Variants in ADCY10 observed in about 807,000 individuals in gnomAD.
ADCY10 encodes adenylate cyclase type 10.
Under a neutral mutation model 183.3 loss-of-function variants are expected in ADCY10, and 156 were observed. That is an observed-to-expected ratio of 0.85 (90% CI 0.75 to 0.97). The LOEUF is 0.97. ADCY10 is among the 50% of genes least tolerant of loss of function. The pLI is 0.00. For synonymous variants in ADCY10, 645 were observed against 670.0 expected, an observed-to-expected ratio of 0.96 and a Z score of 0.58; for missense variants, 1,745 against 1,934.3, an observed-to-expected ratio of 0.90 and a Z score of 1.84.
rs749402033 is a variant in ADCY10 at position 167,860,863 on chromosome 1, C to A, written c.1809+8G>T. 1 of 1,612,520 alleles carries A rather than the reference C, an allele frequency of 6.2e-7. No homozygotes were observed. The highest frequency in any genetic ancestry group is 8.5e-7 in the Non-Finnish European group (1 of 1,178,600). ...TATTTGTGCAGAAGTATAATACTAG[C>A]TAGTTACCTGAACATGGAAAATGTC... On this transcript the variant is annotated splice_region_variant and intron_variant, in intron 15 of 32. Transcript: ENST00000367851.
At chr1:167,904,615 AG>A (rs1669690025) in intron 2 of ADCY10, 5 of 517,908 alleles carry the variant, frequency 9.7e-6, no homozygotes, top group Non-Finnish European at 1.4e-5. Context: ...ACTTCTGAAG[AG>A]GTGGCAAGTT....
In ADCY10 at chr1:167,846,027, C is replaced by T. The variant is rs1287864250; in HGVS notation, c.2674G>A (p.Val892Met). 3 of 1,614,096 alleles carry T rather than the reference C, an allele frequency of 1.9e-6. No individual in the cohort carries two copies. The highest frequency in any genetic ancestry group is 2.5e-6 in the Non-Finnish European group (3 of 1,180,054). The change falls in exon 20 of 33, where the codon GTG becomes ATG. Residue 892 changes from valine to methionine, a missense_variant. Physicochemically the swap from Val to Met is conservative, Grantham distance 21. Transcript: ENST00000367851. ...ALKQNDPSFEVHYRSLSLKPS... is the reference protein window; with the variant it reads ...ALKQNDPSFEMHYRSLSLKPS... ...TTCAGAGACAAGGAACGATAGTGCACCTCAAATGAGGGATCATTCTGTTTC... is the reference window on the plus strand; with the variant it reads ...TTCAGAGACAAGGAACGATAGTGCATCTCAAATGAGGGATCATTCTGTTTC...
At chr1:167,888,373 G>A (rs1004127436) in intron 8 of ADCY10, among the ~76,000 whole-genome samples, 3 of 151,924 alleles carry the variant, frequency 2.0e-5, no homozygotes, top group African/African-American at 7.3e-5. Flanking sequence ...TGGGTAGTAT[G>A]AACATTCTTC....
intron 26 of ADCY10, among the ~76,000 whole-genome samples, chr1:167,826,395 C>T (rs1248911105): frequency 6.6e-6 from 1 of 152,222 alleles, no homozygotes; most frequent in African/African-American, 2.4e-5. Flanking sequence ...TAGGCGGAGT[C>T]CTGGAAACCA....
chr1:167,835,736 A>C (rs751407465), intron 23 of ADCY10, among the ~76,000 whole-genome samples: 3 of 152,178 alleles, frequency 2.0e-5, no homozygotes, highest in Non-Finnish European at 4.4e-5. Flanking sequence ...CAAGAACACA[A>C]AAAATTAGCT....
At chr1:167,883,695 C>T (rs1023682321) in intron 8 of ADCY10, 67 bp from the exon 9 acceptor site, 1 of 1,451,356 alleles carries the variant, frequency 6.9e-7, no homozygotes, top group Non-Finnish European at 9.7e-7. Context: ...ACACCGCCCC[C>T]ACCTCATACC....
In ADCY10 at chr1:167,814,875, C is replaced by A. The variant is rs137950345; in HGVS notation, c.4482+3197G>T. On this transcript the variant is annotated intron_variant, in intron 31 of 32. Transcript: ENST00000367851. ...ACACGTGGGCTCATGCCTGTAATCC[C>A]AGCACTTTGGGAGGCCGAGGTGGTC... is the stretch of plus-strand genomic sequence containing the variant. Among the ~76,000 whole-genome samples, 641 of 152,248 alleles carry A rather than the reference C, an allele frequency of 4.2e-3. 12 individuals carry two copies. The highest frequency in any genetic ancestry group is 4.4e-3 in the East Asian group (23 of 5,190).
intron 26 of ADCY10, among the ~76,000 whole-genome samples, chr1:167,828,008 C>A (rs1663442742): frequency 2.0e-5 from 3 of 152,172 alleles, no homozygotes; most frequent in Non-Finnish European, 2.9e-5. Context: ...GCCACCATGC[C>A]CCGCTAATAT....
chr1:167,888,123 T>C (rs1668351904), intron 8 of ADCY10, among the ~76,000 whole-genome samples: 1 of 152,240 alleles, frequency 6.6e-6, no homozygotes, highest in Non-Finnish European at 1.5e-5. Context: ...CTCTATTCTG[T>C]TCCACTGGTC....
In ADCY10 at chr1:167,846,233, C is replaced by G; in HGVS notation, c.2468G>C (p.Arg823Thr). 1 of 1,614,170 alleles carries G rather than the reference C, an allele frequency of 6.2e-7. No individual in the cohort carries two copies. Among genetic ancestry groups the G allele is most frequent in the Non-Finnish European group, 8.5e-7 (1 of 1,180,036 alleles). Residue 823 changes from arginine (R) to threonine (T), a missense_variant, in exon 20 of 33, where the codon AGA becomes ACA. Physicochemically the swap from Arg to Thr is moderately conservative, Grantham distance 71. Transcript: ENST00000367851. ...EISLIQLDSMRLSHQMLVRCA... is the reference protein window; with the variant it reads ...EISLIQLDSMTLSHQMLVRCA... Reference sequence around the variant, plus strand: ...TCTCACCAGCATTTGGTGGGAAAGTCTCATGCTATCCAGCTGGATCAGAGA... The same window carrying G: ...TCTCACCAGCATTTGGTGGGAAAGTGTCATGCTATCCAGCTGGATCAGAGA...
chr1:167,906,836 T>C lies in ADCY10; in HGVS notation c.-58-1638A>G, dbSNP rs549673699. ...AAAAGAAAGGTACAAGAAAATTGAA[T>C]GTCGAGAATGAAAGACTTACAAAAA... On this transcript the variant is annotated intron_variant, in intron 1 of 32. Transcript: ENST00000367851. 6.6e-5 allele frequency among the ~76,000 whole-genome samples: 10 copies of C among 152,076 alleles called. No homozygotes were observed. In the South Asian group the frequency reaches 2.1e-3, roughly 32 times the overall value.
chr1:167,868,539 C>T (rs1438944758), intron 14 of ADCY10, among the ~76,000 whole-genome samples: 3 of 152,136 alleles, frequency 2.0e-5, no homozygotes, highest in African/African-American at 7.2e-5. Flanking sequence ...TTTAAGCCCA[C>T]CCAGAATTCC....
At chr1:167,852,889 C>T (rs562936882) in intron 18 of ADCY10, among the ~76,000 whole-genome samples, 1 of 152,214 alleles carries the variant, frequency 6.6e-6, no homozygotes, top group African/African-American at 2.4e-5. Flanking sequence ...TGCTATTGAA[C>T]AAGAAGTGAG....
At chr1:167,884,823 G>A (rs1015817274) in intron 8 of ADCY10, among the ~76,000 whole-genome samples, 7 of 151,348 alleles carry the variant, frequency 4.6e-5, no homozygotes, top group African/African-American at 1.5e-4. Flanking sequence ...TCAGCTTCCA[G>A]AGTAGCTGGG....
intron 1 of ADCY10, among the ~76,000 whole-genome samples, chr1:167,909,797 C>A (rs1670036308): frequency 1.3e-5 from 2 of 152,176 alleles, no homozygotes; most frequent in Admixed American, 1.3e-4. Flanking sequence ...GGCTTTTCAA[C>A]TTTTAGTCAT....
At position 167,824,751 on chromosome 1, in the gene ADCY10, G is replaced by A. The variant is rs1185648254; in HGVS notation, c.3855C>T (p.Leu1285=). 4 of 1,614,234 alleles carry A rather than the reference G, an allele frequency of 2.5e-6. No homozygotes were observed. Among genetic ancestry groups the A allele is most frequent in the Admixed American group, 3.3e-5 (2 of 60,020 alleles). The change falls in exon 27 of 33, where the codon CTC becomes CTT. Residue 1285 remains leucine, a synonymous_variant. Coordinates refer to ENST00000367851, the MANE Select transcript of ADCY10 (RefSeq NM_018417.6). The stretch of plus-strand genomic sequence containing the variant: ...TTTCAATGCCCTCGCCTTTCAGGGG[G>A]AGGTTGAAGATGTGCTCCATGGCCA... ...EVMAMEHIFN[L]PLKGEGIEIV...
At chr1:167,862,604 G>A (rs1666364487) in intron 14 of ADCY10, among the ~76,000 whole-genome samples, 1 of 152,108 alleles carries the variant, frequency 6.6e-6, no homozygotes, top group African/African-American at 2.4e-5. Context: ...TTTTTACAGA[G>A]GCCCCGGCTA....
intron 16 of ADCY10, among the ~76,000 whole-genome samples, chr1:167,858,731 T>G (rs374290529): frequency 6.6e-6 from 1 of 151,980 alleles, no homozygotes; most frequent in Admixed American, 6.6e-5. Flanking sequence ...TTCTCTAGGT[T>G]AAAAAAAATC....
At position 167,846,193 on chromosome 1, in the gene ADCY10, A is replaced by C; in HGVS notation, c.2508T>G (p.Ile836Met). 1.2e-6 allele frequency: 2 copies of C among 1,614,250 alleles called. No individual in the cohort carries two copies. The highest frequency in any genetic ancestry group is 2.2e-5 in the South Asian group (2 of 91,084). ...HQMLVRCAAI[I>M]GLTFTTELLF... The stretch of plus-strand genomic sequence containing the variant: ...ACAACTCAGTGGTGAAGGTCAGGCC[A>C]ATGATGGCAGCACATCTCACCAGCA... Residue 836 changes from isoleucine (I) to methionine (M), a missense_variant, in exon 20 of 33, where the codon ATT becomes ATG. Ile to Met is a conservative substitution (Grantham distance 10). Coordinates refer to ENST00000367851, the MANE Select transcript of ADCY10 (RefSeq NM_018417.6).
Sources: gnomAD v4.1 joint callset for allele counts (sites outside exome capture counted in the v4.1 genomes callset) on GRCh38, gnomAD v4.1.1 for gene constraint, MANE v1.5 for transcripts, NCBI Gene and HGNC (gene_info 2026-07-23, HGNC 2026-07-21) for gene names.